The following ZNF18 variants were observed in gnomAD, a reference collection of about 807,000 sequenced individuals.
ZNF18 encodes the protein heart development-specific gene 1 protein.
Under a neutral mutation model 58.1 loss-of-function variants are expected in ZNF18, and 42 were observed. The ratio of observed to expected loss-of-function variants is 0.72; its 90% CI spans 0.56 to 0.93. ZNF18 has a LOEUF of 0.93. Among genes scored for constraint, ZNF18 ranks in the 40% least tolerant of loss-of-function variants. The pLI, the probability that ZNF18 is intolerant of heterozygous loss-of-function variation, is 0.00. For synonymous variants in ZNF18, 231 were observed against 239.8 expected (o/e 0.96, Z 0.34); for missense variants, 540 against 644.2 (o/e 0.84, Z 1.75).
chr17:11,986,149 C>T (rs1967727767), intron 4 of ZNF18, among the ~76,000 whole-genome samples: 1 of 152,212 alleles, frequency 6.6e-6, no homozygotes, highest in Non-Finnish European at 1.5e-5. Flanking sequence ...GGGAGTTTGC[C>T]TGCACAAGCT....
chr17:11,994,638 G>A (rs1269304228), intron 1 of ZNF18, among the ~76,000 whole-genome samples: 3 of 151,844 alleles, frequency 2.0e-5, no homozygotes, highest in East Asian at 1.9e-4. Flanking sequence ...TCAGGAGATC[G>A]AGACCATCCT....
At chr17:12,004,524 A>C in the ZNF18 span, among the ~76,000 whole-genome samples, 60 of 152,198 alleles carry the variant, frequency 3.9e-4, no homozygotes, top group Non-Finnish European at 7.6e-4. Flanking sequence ...GAAGGTAATG[A>C]TAATGCCAAT....
At chr17:11,999,884 C>T (rs949587440), upstream of ZNF18, among the ~76,000 whole-genome samples, 3 of 152,116 alleles carry the variant, frequency 2.0e-5, no homozygotes, top group Admixed American at 6.5e-5. Context: ...GCAAGCCTTG[C>T]GTGTATCTGT....
At chr17:12,000,631 G>A (rs993443884), upstream of ZNF18, among the ~76,000 whole-genome samples, 3 of 152,112 alleles carry the variant, frequency 2.0e-5, no homozygotes, top group African/African-American at 2.4e-5. Context: ...ACCCATAATC[G>A]CTTGAGCCCA....
At chr17:12,018,081 T>C in the ZNF18 span, among the ~76,000 whole-genome samples, 1 of 152,168 alleles carries the variant, frequency 6.6e-6, no homozygotes, top group African/African-American at 2.4e-5. Context: ...TTTCATCTAC[T>C]CTAGTGGGAA....
chr17:12,012,011 T>C, the ZNF18 span, among the ~76,000 whole-genome samples: 1 of 152,182 alleles, frequency 6.6e-6, no homozygotes. Context: ...TACATCTTAA[T>C]TCATTAATTT....
chr17:12,003,083 T>C, the ZNF18 span, among the ~76,000 whole-genome samples: 5 of 152,318 alleles, frequency 3.3e-5, no homozygotes, highest in African/African-American at 1.2e-4. Context: ...TTAAACAAGA[T>C]GGTAACTGCT....
chr17:12,021,058 C>A, the ZNF18 span: 2 of 1,071,686 alleles, frequency 1.9e-6, no homozygotes, highest in Admixed American at 4.5e-5. Flanking sequence ...CCCGCGTCGT[C>A]GCGGCCTGCC....
upstream of ZNF18, among the ~76,000 whole-genome samples, chr17:12,001,363 C>T (rs566478992): frequency 1.3e-5 from 2 of 152,154 alleles, no homozygotes; most frequent in Non-Finnish European, 2.9e-5. Context: ...GGCGCGGTGG[C>T]TTACACCTGT....
At chr17:11,984,820 TTTTG>T (rs943413883) in intron 4 of ZNF18, among the ~76,000 whole-genome samples, 6 of 152,204 alleles carry the variant, frequency 3.9e-5, no homozygotes, top group African/African-American at 1.4e-4. Flanking sequence ...ACTATTTGTT[TTTTG>T]TTTTTGTTTT....
At chr17:11,982,324 C>T (rs1487740462) in intron 6 of ZNF18, among the ~76,000 whole-genome samples, 11 of 152,308 alleles carry the variant, frequency 7.2e-5, no homozygotes, top group African/African-American at 2.6e-4. Flanking sequence ...AAACACTACC[C>T]ACCCCTACAT....
At chr17:11,984,767 A>G (rs1967628720) in intron 4 of ZNF18, among the ~76,000 whole-genome samples, 2 of 152,128 alleles carry the variant, frequency 1.3e-5, no homozygotes, top group Admixed American at 6.5e-5. Context: ...TTGGCCTCCT[A>G]AAGTGCTGGG....
the ZNF18 span, among the ~76,000 whole-genome samples, chr17:12,004,159 A>G: frequency 1.3e-5 from 2 of 151,832 alleles, no homozygotes; most frequent in African/African-American, 4.8e-5. Flanking sequence ...TGAACCCGGG[A>G]GATGGACGTT....
upstream of ZNF18, among the ~76,000 whole-genome samples, chr17:12,000,110 GA>G (rs1320497676): frequency 1.6e-4 from 24 of 152,094 alleles, no homozygotes; most frequent in Non-Finnish European, 1.5e-4. Flanking sequence ...TAGCAGAGAT[GA>G]AGTTTCATCA....
the ZNF18 span, among the ~76,000 whole-genome samples, chr17:12,006,080 T>C: frequency 6.6e-6 from 1 of 152,178 alleles, no homozygotes; most frequent in Non-Finnish European, 1.5e-5. Flanking sequence ...GGAAGTATGA[T>C]TTTTTAACAA....
chr17:11,999,138 G>C (rs1450851243), upstream of ZNF18, among the ~76,000 whole-genome samples: 1 of 152,224 alleles, frequency 6.6e-6, no homozygotes, highest in African/African-American at 2.4e-5. Context: ...AGGTGGTTTA[G>C]AGGGGAAGAT....
intron 6 of ZNF18, among the ~76,000 whole-genome samples, chr17:11,980,929 C>A (rs1202311100): frequency 2.6e-5 from 4 of 152,110 alleles, no homozygotes; most frequent in African/African-American, 9.7e-5. Context: ...ATGTTATATT[C>A]TTCCAGATAA....
the ZNF18 span, among the ~76,000 whole-genome samples, chr17:12,018,015 A>T: frequency 6.6e-6 from 1 of 152,208 alleles, no homozygotes; most frequent in East Asian, 1.9e-4. Context: ...CTCTTTCAGG[A>T]TGGGGGACTT....
chr17:11,983,521 A>T, intron 5 of ZNF18, 114 bp from the exon 6 acceptor site: 2 of 732,242 alleles, frequency 2.7e-6, no homozygotes, highest in Non-Finnish European at 4.8e-6. Flanking sequence ...GGCTCTGGAC[A>T]CTTGCAGAAA....
Sources: allele counts gnomAD v4.1 joint callset (sites outside exome capture counted in the v4.1 genomes callset), GRCh38; gene constraint gnomAD v4.1.1; transcripts MANE v1.5; gene names NCBI Gene and HGNC (gene_info 2026-07-23, HGNC 2026-07-21).